SVEP1: variants seen among roughly 807,000 people sequenced by gnomAD.
The protein encoded by SVEP1 is sushi, von Willebrand factor type A, EGF and pentraxin domain-containing protein 1.
In SVEP1, 164 loss-of-function variants were observed where a neutral mutation model predicts 367.3. The ratio of observed to expected loss-of-function variants is 0.45; its 90% CI spans 0.39 to 0.51. The LOEUF (loss-of-function observed/expected upper bound fraction) is 0.51, where lower values mean the gene tolerates loss of function less well. Among genes scored for constraint, SVEP1 ranks in the 20% least tolerant of loss-of-function variants. The pLI, the probability that SVEP1 is intolerant of heterozygous loss-of-function variation, is 0.00. For synonymous variants in SVEP1, 1,666 were observed against 1,611.6 expected, an observed-to-expected ratio of 1.03 and a Z score of -0.81; for missense variants, 4,117 against 4,425.3, an observed-to-expected ratio of 0.93 and a Z score of 1.98.
chr9:110,394,296 T>A (rs928006529), intron 40 of SVEP1, among the ~76,000 whole-genome samples: 1 of 152,178 alleles, frequency 6.6e-6, no homozygotes, highest in African/African-American at 2.4e-5. Context: ...GAGGGTCCTG[T>A]CTGTTGAAGG....
At position 110,407,646 on chromosome 9, in the gene SVEP1, A is replaced by G; in HGVS notation, c.7954T>C (p.Tyr2652His). The G allele has an allele frequency of 6.2e-7, 1 of 1,613,996 alleles. No individual in the cohort carries two copies. The highest frequency in any genetic ancestry group is 8.5e-7 in the Non-Finnish European group (1 of 1,179,888). ...GTTTTAGCCACTGCTCCCAAATGATAAGGAGGGTGAGGAGTCACATATGGA... is the reference window on the plus strand; with the variant it reads ...GTTTTAGCCACTGCTCCCAAATGATGAGGAGGGTGAGGAGTCACATATGGA... ...EVPYVTPHPP[Y>H]HLGAVAKTWE... Residue 2652 changes from tyrosine (Y) to histidine (H), a missense_variant, in exon 38 of 48, where the codon TAT becomes CAT. Coordinates refer to ENST00000374469, the MANE Select transcript of SVEP1 (RefSeq NM_153366.4).
At chr9:110,384,818 CTGAAGA>C (rs910324734) in intron 43 of SVEP1, among the ~76,000 whole-genome samples, 1 of 152,162 alleles carries the variant, frequency 6.6e-6, no homozygotes, top group African/African-American at 2.4e-5. Flanking sequence ...TGCAAGTGTA[CTGAAGA>C]TGAAGACCAT....
chr9:110,518,802 A>G (rs1440821569), intron 3 of SVEP1, among the ~76,000 whole-genome samples: 1 of 152,090 alleles, frequency 6.6e-6, no homozygotes, highest in African/African-American at 2.4e-5. Flanking sequence ...CATCCTCCTT[A>G]CTAGTCCCTT....
chr9:110,380,343 G>A (rs571918473), intron 43 of SVEP1, among the ~76,000 whole-genome samples: 22 of 152,186 alleles, frequency 1.4e-4, no homozygotes, highest in East Asian at 3.9e-4. Context: ...ATAAGCCGGC[G>A]TCTAAAAGAT....
At chr9:110,528,217 G>A (rs529679704) in intron 3 of SVEP1, among the ~76,000 whole-genome samples, 1 of 126,978 alleles carries the variant, frequency 7.9e-6, no homozygotes, top group Non-Finnish European at 1.6e-5. Context: ...CTCATCAATT[G>A]ATGGGCACTT....
chr9:110,372,839 T>C (rs1827298755), intron 46 of SVEP1, among the ~76,000 whole-genome samples: 1 of 152,148 alleles, frequency 6.6e-6, no homozygotes, highest in African/African-American at 2.4e-5. Flanking sequence ...GAAGCTGGCT[T>C]ATGCAGCACC....
At chr9:110,466,089 T>C in intron 17 of SVEP1, 63 bp from the exon 18 acceptor site, 1 of 1,505,812 alleles carries the variant, frequency 6.6e-7, no homozygotes. Flanking sequence ...ATTAGTACTG[T>C]GCGGGATAGG....
rs1268460870 is a variant in SVEP1, at chr9:110,407,648, G to A, written c.7952C>T (p.Pro2651Leu). The change falls in exon 38 of 48, where the codon CCT (proline) becomes CTT (leucine). Residue 2651 changes from proline (P) to leucine (L), a missense_variant. This residue lies in a region of SVEP1 where 1,765 missense variants were observed against 1,781.1 expected (regional missense o/e 0.99). Coordinates refer to ENST00000374469, the MANE Select transcript of SVEP1 (RefSeq NM_153366.4). ...TTTAGCCACTGCTCCCAAATGATAA[G>A]GAGGGTGAGGAGTCACATATGGAAC... ...MEVPYVTPHP[P>L]YHLGAVAKTW... is the part of the protein sequence containing the mutation. The A allele has an allele frequency of 1.2e-6, 2 of 1,614,008 alleles. No individual in the cohort carries two copies. Among genetic ancestry groups the A allele is most frequent in the East Asian group, 2.2e-5 (1 of 44,880 alleles).
At chr9:110,518,467 T>C (rs767886091) in intron 3 of SVEP1, among the ~76,000 whole-genome samples, 5 of 151,752 alleles carry the variant, frequency 3.3e-5, no homozygotes, top group African/African-American at 7.3e-5. Flanking sequence ...GAGAGTATTG[T>C]CTCAAATCAT....
chr9:110,402,128 T>C (rs1035097512), intron 39 of SVEP1, among the ~76,000 whole-genome samples: 2 of 152,182 alleles, frequency 1.3e-5, no homozygotes, highest in African/African-American at 4.8e-5. Flanking sequence ...TTTTGCTATA[T>C]GTGAAATTTA....
At chr9:110,403,296 G>GTGTT (rs1827893050) in intron 39 of SVEP1, among the ~76,000 whole-genome samples, 1 of 43,462 alleles carries the variant, frequency 2.3e-5, no homozygotes, top group Non-Finnish European at 3.7e-5. Context: ...CGCCACCGCC[G>GTGTT]TTTTTTTTTT....
intron 1 of SVEP1, among the ~76,000 whole-genome samples, chr9:110,573,878 C>T (rs1425356186): frequency 6.6e-6 from 1 of 152,102 alleles, no homozygotes; most frequent in Non-Finnish European, 1.5e-5. Context: ...GCTAAACTTT[C>T]CCCCAGGCTA....
At chr9:110,567,213 T>A (rs184000219) in intron 1 of SVEP1, among the ~76,000 whole-genome samples, 59 of 152,308 alleles carry the variant, frequency 3.9e-4, no homozygotes, top group South Asian at 1.7e-3. Context: ...TCAACTAAGA[T>A]GTGATCTTTG....
chr9:110,482,277 T>TA (rs1232452144), intron 11 of SVEP1, 84 bp downstream of exon 11: 3 of 1,396,504 alleles, frequency 2.1e-6, no homozygotes, highest in African/African-American at 1.5e-5. Context: ...GCTCATAGCC[T>TA]ATTTTCTTTC....
At chr9:110,475,351 T>C (rs1335650788) in intron 14 of SVEP1, among the ~76,000 whole-genome samples, 1 of 152,148 alleles carries the variant, frequency 6.6e-6, no homozygotes, top group Non-Finnish European at 1.5e-5. Context: ...AATGGTCACA[T>C]GAGGTGAATA....
intron 3 of SVEP1, among the ~76,000 whole-genome samples, chr9:110,518,794 T>A (rs1427763702): frequency 6.6e-5 from 10 of 152,224 alleles, no homozygotes. Context: ...TTTTACAACA[T>A]CCTCCTTACT....
chr9:110,480,013 A>T (rs1333357984), intron 12 of SVEP1, among the ~76,000 whole-genome samples: 1 of 152,206 alleles, frequency 6.6e-6, no homozygotes, highest in East Asian at 1.9e-4. Context: ...CATTCATACA[A>T]AAAGTGAGTA....
intron 26 of SVEP1, 48 bp downstream of exon 26, chr9:110,445,789 G>A: frequency 6.2e-7 from 1 of 1,601,602 alleles, no homozygotes. Context: ...TTCTAATTCG[G>A]TTCCAAGATA....
rs539358224 is a variant in SVEP1, at chr9:110,512,726, T to C, written c.1303+200A>G. 6.6e-4 allele frequency: 433 copies of C among 660,148 alleles called. 1 individual carries two copies. The highest frequency in any genetic ancestry group is 9.8e-4 in the Non-Finnish European group (383 of 389,080). 40.9% of individuals were successfully genotyped at this position (660,148 alleles called of 1,614,324 possible). A position where few individuals can be genotyped will look rare whatever the true frequency, so the allele number is the denominator to read the frequency against. On this transcript the variant is annotated intron_variant, in intron 5 of 47. Coordinates refer to ENST00000374469, the MANE Select transcript of SVEP1 (RefSeq NM_153366.4). The stretch of plus-strand genomic sequence containing the variant: ...TTTCTTTGCTTGTTCATAAAAGGGC[T>C]ATAAAAGGCGTAGTTTACAATTATG...
Sources: gnomAD v4.1 joint callset for allele counts (sites outside exome capture counted in the v4.1 genomes callset) on GRCh38, gnomAD v4.1.1 for gene constraint, gnomAD v4.1.1 regional missense constraint, MANE v1.5 for transcripts, NCBI Gene and HGNC (gene_info 2026-07-23, HGNC 2026-07-21) for gene names.